Variants in SDCCAG8 observed in about 807,000 individuals in gnomAD.
SDCCAG8 encodes serologically defined colon cancer antigen 8.
In SDCCAG8, 74 loss-of-function variants were observed where a neutral mutation model predicts 101.8. The observed-to-expected ratio is 0.73, with a 90% CI of 0.60 to 0.88. The LOEUF (loss-of-function observed/expected upper bound fraction) is 0.88. Ranked by LOEUF, SDCCAG8 falls within the 40% of genes least tolerant of loss-of-function variation. The probability of loss-of-function intolerance (pLI) is 0.00; values close to 1 mark genes in which losing one functional copy is unlikely to be tolerated. For missense variants in SDCCAG8, 787 were observed against 822.6 expected (o/e 0.96, Z 0.53); for synonymous variants, 281 against 292.9 (o/e 0.96, Z 0.41).
intron 4 of SDCCAG8, among the ~76,000 whole-genome samples, chr1:243,278,721 A>C (rs2068779500): frequency 6.6e-6 from 1 of 152,154 alleles, no homozygotes; most frequent in African/African-American, 2.4e-5. Context: ...TGCAAACGAA[A>C]GACAGTGTTA....
At chr1:243,331,719 G>C (rs1325078487) in intron 10 of SDCCAG8, among the ~76,000 whole-genome samples, 1 of 152,152 alleles carries the variant, frequency 6.6e-6, no homozygotes, top group Non-Finnish European at 1.5e-5. Context: ...TAGACTCCAG[G>C]TCTTCGGTGT....
chr1:243,400,685 T>C (rs550356759), intron 13 of SDCCAG8, among the ~76,000 whole-genome samples: 1 of 152,330 alleles, frequency 6.6e-6, no homozygotes, highest in East Asian at 1.9e-4. Flanking sequence ...ATGTGTTTAT[T>C]CTAGAAAACA....
Position 243,474,747 on chromosome 1 carries a change from G to A in SDCCAG8, c.1986-14267G>A, listed in dbSNP as rs1429682853. Reference sequence around the variant, plus strand: ...AGCTCCCGGGACGCGGCGTGGCAGCGCAGGGCTCGGCTAGATGCGCTCCTC... The same window carrying A: ...AGCTCCCGGGACGCGGCGTGGCAGCACAGGGCTCGGCTAGATGCGCTCCTC... On this transcript the variant is annotated intron_variant, in intron 16 of 17. Transcript: ENST00000366541. The surrounding 1 kb of genome is among the most constrained non-coding windows in gnomAD (Gnocchi z 4.7). 6.6e-6 allele frequency among the ~76,000 whole-genome samples: 1 copy of A among 152,244 alleles called. No homozygotes were observed. Among genetic ancestry groups the A allele is most frequent in the Non-Finnish European group, 1.5e-5 (1 of 68,036 alleles).
At chr1:243,361,625 C>G (rs1340470885) in intron 12 of SDCCAG8, among the ~76,000 whole-genome samples, 1 of 152,194 alleles carries the variant, frequency 6.6e-6, no homozygotes, top group Non-Finnish European at 1.5e-5. Flanking sequence ...AGTGGAGCCT[C>G]CGTGGTTTGC....
intron 4 of SDCCAG8, among the ~76,000 whole-genome samples, chr1:243,282,144 G>A (rs1366417511): frequency 6.6e-6 from 1 of 151,526 alleles, no homozygotes; most frequent in Admixed American, 6.6e-5. Flanking sequence ...ACCACAACCA[G>A]CTAATTTTTG....
rs541175537 is a variant in SDCCAG8, at chr1:243,330,793, T to C, written c.1221+101T>C. 7.0e-6 allele frequency: 8 copies of C among 1,139,470 alleles called. No individual in the cohort carries two copies. In the South Asian group the frequency reaches 1.1e-4, roughly 16 times the overall value. The allele number at this position is 1,139,470 out of a possible 1,614,324, so 70.6% of individuals were successfully genotyped here. ...GGAGTTCTTGAATGAACTTTAAATT[T>C]TAAAATCGTTATTATATAAGTAGTT... On this transcript the variant is annotated intron_variant, in intron 10 of 17. Transcript: ENST00000366541.
In SDCCAG8 at chr1:243,281,262, G is replaced by A. The variant is rs188614767; in HGVS notation, c.421-5010G>A. Among the ~76,000 whole-genome samples, 826 of 141,924 alleles carry A rather than the reference G, an allele frequency of 5.8e-3. 6 individuals are homozygous for A. Among genetic ancestry groups the A allele is most frequent in the African/African-American group, 0.019 (757 of 38,866 alleles). The allele number at this position is 141,924 out of a possible 152,430, so 93.1% of individuals were successfully genotyped here. A position where few individuals can be genotyped will look rare whatever the true frequency, so the allele number is the denominator to read the frequency against. ...TTATTTTAAATCTATCTGTGTCTTC[G>A]TATTTATAATTGGCTTTTTTTTTTG... On this transcript the variant is annotated intron_variant, in intron 4 of 17. Coordinates refer to ENST00000366541, the MANE Select transcript of SDCCAG8 (RefSeq NM_006642.5).
At chr1:243,363,536 T>C (rs920289761) in intron 12 of SDCCAG8, among the ~76,000 whole-genome samples, 1 of 152,230 alleles carries the variant, frequency 6.6e-6, no homozygotes, top group Non-Finnish European at 1.5e-5. Context: ...TTTGTTCATC[T>C]AGATAACCTG....
intron 4 of SDCCAG8, among the ~76,000 whole-genome samples, chr1:243,275,660 AT>A (rs1250057708): frequency 6.6e-6 from 1 of 152,152 alleles, no homozygotes; most frequent in African/African-American, 2.4e-5. Flanking sequence ...AACTTGAAAG[AT>A]ATAAAGCAGA....
chr1:243,472,678 G>A (rs1393055054), intron 16 of SDCCAG8, among the ~76,000 whole-genome samples: 1 of 152,180 alleles, frequency 6.6e-6, no homozygotes, highest in Non-Finnish European at 1.5e-5. Flanking sequence ...TATTTGCTGT[G>A]GAACAATGCA....
chr1:243,256,349 C>T (rs1337926085), intron 1 of SDCCAG8, 109 bp downstream of exon 1: 1 of 845,396 alleles, frequency 1.2e-6, no homozygotes, highest in Non-Finnish European at 2.0e-6. Flanking sequence ...GTCCACGCTA[C>T]AGAGGAGCAA....
intron 9 of SDCCAG8, 78 bp downstream of exon 9, chr1:243,316,971 T>C (rs1276397486): frequency 7.1e-7 from 1 of 1,415,882 alleles, no homozygotes; most frequent in Admixed American, 1.9e-5. Flanking sequence ...TTGGTTATTC[T>C]TCTATAACTA....
chr1:243,327,649 G>A (rs2074283759), intron 9 of SDCCAG8, among the ~76,000 whole-genome samples: 1 of 152,032 alleles, frequency 6.6e-6, no homozygotes, highest in Admixed American at 6.6e-5. Flanking sequence ...TCAATCGACA[G>A]GGATTCTGAA....
At chr1:243,269,197 C>G (rs2149261590) in intron 1 of SDCCAG8, 1 of 152,094 alleles carries the variant, frequency 6.6e-6, no homozygotes, top group Admixed American at 6.5e-5. Flanking sequence ...TTGGGTGTGA[C>G]ATGGTATAAC....
At chr1:243,335,816 G>C (rs540967549) in intron 10 of SDCCAG8, among the ~76,000 whole-genome samples, 26 of 152,048 alleles carry the variant, frequency 1.7e-4, no homozygotes, top group African/African-American at 6.3e-4. Context: ...GTCATCCCCA[G>C]TTTCTGTTGT....
chr1:243,266,643 T>C (rs2067610568), intron 1 of SDCCAG8, among the ~76,000 whole-genome samples: 1 of 151,868 alleles, frequency 6.6e-6, no homozygotes, highest in Non-Finnish European at 1.5e-5. Context: ...AGACAAAATA[T>C]CAATTTCAAA....
At chr1:243,414,550 C>T (rs1326066192) in intron 13 of SDCCAG8, among the ~76,000 whole-genome samples, 1 of 152,148 alleles carries the variant, frequency 6.6e-6, no homozygotes, top group African/African-American at 2.4e-5. Flanking sequence ...TATACTACAA[C>T]ATGACCACAT....
Position 243,474,706 on chromosome 1 carries a change from T to C in SDCCAG8, c.1986-14308T>C, listed in dbSNP as rs1386600870. Among the ~76,000 whole-genome samples the C allele has an allele frequency of 3.3e-5, 5 of 151,994 alleles. No individual in the cohort carries two copies. The highest frequency in any genetic ancestry group is 7.4e-5 in the Non-Finnish European group (5 of 67,966). ...AGAGGCACAATTGCCCAGCGTGGGG[T>C]GGAAGGCAGGCTGGGAGCTCCCGGG... On this transcript the variant is annotated intron_variant, in intron 16 of 17. Transcript: ENST00000366541. The surrounding 1 kb of genome is among the most constrained non-coding windows in gnomAD (Gnocchi z 4.7).
intron 16 of SDCCAG8, among the ~76,000 whole-genome samples, chr1:243,449,937 C>T (rs1335963370): frequency 1.3e-5 from 2 of 152,166 alleles, no homozygotes; most frequent in Non-Finnish European, 2.9e-5. Context: ...AGCTTGAAAA[C>T]GTATTTGGAT....
Sources: gnomAD v4.1 joint callset for allele counts (sites outside exome capture counted in the v4.1 genomes callset) on GRCh38, gnomAD v4.1.1 for gene constraint, Gnocchi (gnomAD v3.1) non-coding constraint, MANE v1.5 for transcripts, NCBI Gene and HGNC (gene_info 2026-07-23, HGNC 2026-07-21) for gene names.